Variants in KCNAB1 observed in about 807,000 individuals in gnomAD.
KCNAB1 encodes voltage-gated potassium channel subunit beta-1.
In KCNAB1, 35 loss-of-function variants were observed where a neutral mutation model predicts 64.6. The ratio of observed to expected loss-of-function variants is 0.54; its 90% CI spans 0.41 to 0.72. The LOEUF is 0.72. Among genes scored for constraint, KCNAB1 ranks in the 30% least tolerant of loss-of-function variants. The pLI is 0.00. For synonymous variants in KCNAB1, 177 were observed against 183.8 expected (o/e 0.96, Z 0.30); for missense variants, 401 against 512.9 (o/e 0.78, Z 2.11).
chr3:156,338,310 T>TTTTTTTTTTTTTTC (rs1723868598), intron 1 of KCNAB1, among the ~76,000 whole-genome samples: 1 of 108,808 alleles, frequency 9.2e-6, no homozygotes, highest in Non-Finnish European at 2.0e-5. Context: ...GCACTTTTTT[T>TTTTTTTTTTTTTTC]TTTTTTTTTT....
intron 4 of KCNAB1, among the ~76,000 whole-genome samples, chr3:156,458,078 A>G (rs1434809709): frequency 6.6e-6 from 1 of 152,212 alleles, no homozygotes; most frequent in African/African-American, 2.4e-5. Context: ...CAAGATGCCA[A>G]AGAATCTATC....
intron 1 of KCNAB1, among the ~76,000 whole-genome samples, chr3:156,164,759 C>T (rs537373088): frequency 1.3e-5 from 2 of 152,264 alleles, no homozygotes; most frequent in East Asian, 3.9e-4. Context: ...ATATGTTTCT[C>T]ATTAAAACTT....
chr3:156,277,150 G>A (rs1309966752), intron 1 of KCNAB1, among the ~76,000 whole-genome samples: 2 of 152,198 alleles, frequency 1.3e-5, no homozygotes, highest in African/African-American at 4.8e-5. Context: ...AGAGGGAGAT[G>A]AGGGAATAGC....
intron 1 of KCNAB1, among the ~76,000 whole-genome samples, chr3:156,135,656 A>G (rs887251884): frequency 1.2e-4 from 18 of 152,240 alleles, no homozygotes; most frequent in African/African-American, 4.3e-4. Flanking sequence ...TTCTTAGTGC[A>G]TGATATCACA....
chr3:156,319,345 A>C (rs1280226936), intron 1 of KCNAB1, among the ~76,000 whole-genome samples: 2 of 152,064 alleles, frequency 1.3e-5, no homozygotes, highest in African/African-American at 2.4e-5. Flanking sequence ...CTGGAAGTTC[A>C]CTCTGCATTG....
intron 1 of KCNAB1, among the ~76,000 whole-genome samples, chr3:156,282,016 T>C (rs1719759112): frequency 6.6e-6 from 1 of 151,392 alleles, no homozygotes; most frequent in Admixed American, 6.6e-5. Context: ...AGCTTTTGAA[T>C]GTGTTTGCTC....
intron 8 of KCNAB1, among the ~76,000 whole-genome samples, chr3:156,492,651 GT>G (rs572594220): frequency 6.6e-6 from 1 of 152,050 alleles, no homozygotes; most frequent in South Asian, 2.1e-4. Flanking sequence ...CCCCAAAGCT[GT>G]GAGAAATAAA....
chr3:156,125,433 C>A (rs1245808799), intron 1 of KCNAB1, among the ~76,000 whole-genome samples: 1 of 152,170 alleles, frequency 6.6e-6, no homozygotes, highest in Non-Finnish European at 1.5e-5. Context: ...TAGGATACCA[C>A]CCTCCTGAGG....
At chr3:156,124,725 A>G (rs1232880872) in intron 1 of KCNAB1, among the ~76,000 whole-genome samples, 1 of 152,158 alleles carries the variant, frequency 6.6e-6, no homozygotes, top group African/African-American at 2.4e-5. Context: ...TCTGTACTAC[A>G]CAATGTTTAT....
intron 1 of KCNAB1, among the ~76,000 whole-genome samples, chr3:156,271,968 G>A (rs577677069): frequency 6.6e-6 from 1 of 152,232 alleles, no homozygotes; most frequent in African/African-American, 2.4e-5. Flanking sequence ...TAGAAGTACT[G>A]CCTTGATGGT....
chr3:156,376,550 G>A (rs2108137705), intron 1 of KCNAB1, among the ~76,000 whole-genome samples: 1 of 152,314 alleles, frequency 6.6e-6, no homozygotes, highest in Admixed American at 6.5e-5. Context: ...ACTATTGGGA[G>A]GTTGCTGTGG....
intron 1 of KCNAB1, among the ~76,000 whole-genome samples, chr3:156,161,746 T>A (rs1226820624): frequency 6.6e-6 from 1 of 152,226 alleles, no homozygotes; most frequent in African/African-American, 2.4e-5. Context: ...ATAAAATAAC[T>A]GGTTGTTGAC....
intron 2 of KCNAB1, among the ~76,000 whole-genome samples, chr3:156,431,515 G>T (rs910539461): frequency 4.6e-5 from 7 of 152,350 alleles, no homozygotes; most frequent in Admixed American, 3.3e-4. Context: ...CTCTGAAAGT[G>T]CAGTGTACGT....
At chr3:156,381,943 A>G (rs931010057) in intron 1 of KCNAB1, among the ~76,000 whole-genome samples, 1 of 152,220 alleles carries the variant, frequency 6.6e-6, no homozygotes, top group African/African-American at 2.4e-5. Context: ...GATGAAATGC[A>G]AACTCTTTTG....
intron 1 of KCNAB1, 38 bp from the exon 2 acceptor site, chr3:156,421,578 G>A: frequency 2.5e-6 from 4 of 1,607,070 alleles, no homozygotes; most frequent in Middle Eastern, 1.7e-4. Flanking sequence ...TTCCACCTGA[G>A]GAAATGATGA....
intron 1 of KCNAB1, among the ~76,000 whole-genome samples, chr3:156,250,661 T>C (rs1717777499): frequency 6.6e-6 from 1 of 152,174 alleles, no homozygotes; most frequent in Non-Finnish European, 1.5e-5. Flanking sequence ...ACTAGCTGGC[T>C]ACATTCCTGG....
chr3:156,262,303 AT>A (rs2108480682), intron 1 of KCNAB1, among the ~76,000 whole-genome samples: 1 of 152,082 alleles, frequency 6.6e-6, no homozygotes, highest in East Asian at 1.9e-4. Flanking sequence ...CTTTTTTACC[AT>A]TTAGTATGAT....
chr3:156,176,008 G>A, intron 1 of KCNAB1: 1 of 854,688 alleles, frequency 1.2e-6, no homozygotes, highest in East Asian at 2.5e-5. Flanking sequence ...AAACCTGTCG[G>A]CTGTGCCAGG....
intron 1 of KCNAB1, among the ~76,000 whole-genome samples, chr3:156,238,250 G>A (rs904534430): frequency 9.9e-5 from 15 of 152,032 alleles, no homozygotes; most frequent in Admixed American, 3.9e-4. Flanking sequence ...GTGAAACCCT[G>A]TCTCTACTAA....
Sources: gnomAD v4.1 joint callset for allele counts (sites outside exome capture counted in the v4.1 genomes callset) on GRCh38, gnomAD v4.1.1 for gene constraint, MANE v1.5 for transcripts, NCBI Gene and HGNC (gene_info 2026-07-23, HGNC 2026-07-21) for gene names.